Variants in PC observed in about 807,000 individuals in gnomAD.
The protein encoded by PC is pyruvate carboxylase.
A neutral mutation model predicts 107.8 loss-of-function variants in PC; 46 were observed. That is an observed-to-expected ratio of 0.43 (90% CI 0.34 to 0.55). The LOEUF (loss-of-function observed/expected upper bound fraction) is 0.55. Ranked by LOEUF, PC falls within the 20% of genes least tolerant of loss-of-function variation. The pLI, the probability that PC is intolerant of heterozygous loss-of-function variation, is 0.04. For missense variants in PC, 1,241 were observed against 1,643.1 expected (o/e 0.76, Z 4.23); for synonymous variants, 662 against 684.7 (o/e 0.97, Z 0.52).
chr11:66,901,263 T>C (rs1947946926), intron 3 of PC, among the ~76,000 whole-genome samples: 1 of 152,114 alleles, frequency 6.6e-6, no homozygotes, highest in Non-Finnish European at 1.5e-5. Flanking sequence ...TGGTTTCCTG[T>C]AGGTCCAGCC....
At position 66,857,684 on chromosome 11, in the gene PC, G is replaced by C; in HGVS notation, c.1369-4301C>G. The C allele has an allele frequency of 6.6e-7, 1 of 1,516,592 alleles. No homozygotes were observed. Among genetic ancestry groups the C allele is most frequent in the African/African-American group, 1.4e-5 (1 of 73,056 alleles). 93.9% of individuals were successfully genotyped at this position (1,516,592 alleles called of 1,614,324 possible). A position where few individuals can be genotyped will look rare whatever the true frequency, so the allele number is the denominator to read the frequency against. ...TTCTGGGACTGTCCTGGGCCCAAGT[G>C]GGCACCTGCGCCAGCCCCACCTGTG... On this transcript the variant is annotated intron_variant, in intron 12 of 22. Transcript: ENST00000393960. The surrounding 1 kb of genome is among the most constrained non-coding windows in gnomAD (Gnocchi z 7.1).
intron 12 of PC, among the ~76,000 whole-genome samples, chr11:66,859,471 C>T (rs1050130053): frequency 6.6e-6 from 1 of 152,236 alleles, no homozygotes; most frequent in African/African-American, 2.4e-5. Flanking sequence ...AGTGCACACA[C>T]CCATCTCCTG....
In PC at chr11:66,851,372, T is replaced by A. The variant is rs115582831; in HGVS notation, c.1983-92A>T. The A allele has an allele frequency of 1.6e-3, 2,563 of 1,564,016 alleles. 40 individuals carry two copies. In the African/African-American group the frequency reaches 0.032, roughly 19 times the overall value. ...CCTTCCTGACCCACTCTATGGCCCC[T>A]GGGGAATGAGATCTGAGGGTCTCGC... On this transcript the variant is annotated intron_variant, in intron 16 of 22. Transcript: ENST00000393960.
intron 12 of PC, among the ~76,000 whole-genome samples, chr11:66,854,177 C>T (rs1332006677): frequency 2.0e-5 from 3 of 152,248 alleles, no homozygotes; most frequent in African/African-American, 7.2e-5. Context: ...GACCTTGTGA[C>T]CTCTTCTCCA....
rs1946034122 is a variant in PC at position 66,858,659 on chromosome 11, G to A, written c.1368+5115C>T. 7.1e-6 allele frequency: 11 copies of A among 1,543,170 alleles called. No individual in the cohort carries two copies. Among genetic ancestry groups the A allele is most frequent in the Admixed American group, 2.0e-5 (1 of 51,050 alleles). On this transcript the variant is annotated intron_variant, in intron 12 of 22. Transcript: ENST00000393960. The surrounding 1 kb of genome is among the most constrained non-coding windows in gnomAD (Gnocchi z 5.9). ...GGGCCACGCTGCGGTGCCGGGCCCT[G>A]GGTGACCCCGCGCCTACCATGCACT...
chr11:66,850,259 G>A lies in PC; in HGVS notation c.2679C>T (p.Ala893=), dbSNP rs1945398542. 6.2e-7 allele frequency: 1 copy of A among 1,614,098 alleles called. No individual in the cohort carries two copies. The highest frequency in any genetic ancestry group is 1.7e-5 in the Admixed American group (1 of 60,020). Reference sequence around the variant, plus strand: ...CCAGCATCTGGTTGGCCTCCACATAGGCCTTCTTGACCTCCTTGAACTTGG... The same window carrying A: ...CCAGCATCTGGTTGGCCTCCACATAAGCCTTCTTGACCTCCTTGAACTTGG... ...LGSKFKEVKK[A]YVEANQMLGD... The change falls in exon 19 of 23, where the codon GCC becomes GCT. Residue 893 remains alanine (A), a synonymous_variant. Transcript: ENST00000393960.
intron 3 of PC, among the ~76,000 whole-genome samples, chr11:66,882,152 C>A (rs531808853): frequency 6.6e-6 from 1 of 152,354 alleles, no homozygotes; most frequent in Non-Finnish European, 1.5e-5. Flanking sequence ...CTACTTCAGA[C>A]CTGAACTACA....
intron 3 of PC, among the ~76,000 whole-genome samples, chr11:66,927,065 A>G (rs1472324102): frequency 6.8e-6 from 1 of 147,902 alleles, no homozygotes; most frequent in African/African-American, 2.5e-5. Flanking sequence ...ATCTCGGCTC[A>G]CTGCAACCTC....
intron 3 of PC, among the ~76,000 whole-genome samples, chr11:66,889,315 G>A (rs78473214): frequency 0.027 from 4,115 of 152,050 alleles, 82 homozygotes; most frequent in African/African-American, 0.044. Flanking sequence ...CAGTGGGACA[G>A]GGGTGGCGGG....
Position 66,870,213 on chromosome 11 carries a change from G to T in PC, c.903+89C>A. On this transcript the variant is annotated intron_variant, in intron 9 of 22. Transcript: ENST00000393960. The surrounding 1 kb of genome is among the most constrained non-coding windows in gnomAD (Gnocchi z 6.1). ...CCCCAGTCCCCAGAAGGGGACTCAG[G>T]GTCCCCTTCCCCAACCAGCGCCCCA... 1 of 1,498,780 alleles carries T rather than the reference G, an allele frequency of 6.7e-7. No individual in the cohort carries two copies. The highest frequency in any genetic ancestry group is 1.1e-5 in the South Asian group (1 of 88,254). The allele number at this position is 1,498,780 out of a possible 1,614,324, so 92.8% of individuals were successfully genotyped here.
intron 3 of PC, among the ~76,000 whole-genome samples, chr11:66,916,569 G>C (rs1005987473): frequency 3.3e-5 from 5 of 152,204 alleles, no homozygotes; most frequent in Admixed American, 3.3e-4. Flanking sequence ...AAGGCTAACA[G>C]AGCAGTGATC....
At chr11:66,875,917 G>A (rs1417483813) in intron 3 of PC, among the ~76,000 whole-genome samples, 1 of 152,176 alleles carries the variant, frequency 6.6e-6, no homozygotes, top group Non-Finnish European at 1.5e-5. Flanking sequence ...TCCTGATGGG[G>A]TTCCCGCTGC....
intron 12 of PC, chr11:66,859,124 C>G: frequency 6.8e-7 from 1 of 1,475,484 alleles, no homozygotes; most frequent in Non-Finnish European, 9.0e-7. Flanking sequence ...CCCGGCTGCA[C>G]TCCCGGCGCC....
At chr11:66,936,483 T>C (rs2136122579) in intron 3 of PC, among the ~76,000 whole-genome samples, 1 of 152,278 alleles carries the variant, frequency 6.6e-6, no homozygotes, top group East Asian at 1.9e-4. Flanking sequence ...ATTGCTCTAT[T>C]TTTCTTGAGG....
intron 3 of PC, among the ~76,000 whole-genome samples, chr11:66,900,336 G>A (rs568184832): frequency 5.3e-5 from 8 of 151,970 alleles, no homozygotes; most frequent in East Asian, 3.9e-4. Context: ...CACCACGCCC[G>A]ACTAATTTTT....
At chr11:66,894,270 C>T (rs768648396) in intron 3 of PC, among the ~76,000 whole-genome samples, 24 of 152,102 alleles carry the variant, frequency 1.6e-4, no homozygotes, top group Non-Finnish European at 2.4e-4. Context: ...CCCAGCCTCC[C>T]GGATTCTCCA....
rs758472117 is a variant in PC, at chr11:66,858,239, C to T, written c.1369-4856G>A. On this transcript the variant is annotated intron_variant, in intron 12 of 22. Transcript: ENST00000393960. This position sits in a 1 kb window ranked among gnomAD's most constrained non-coding sequence, Gnocchi z 5.9. ...TCCGGCAGGTGCCCTGGGCCGGCAT[C>T]GGCGCCATGCCTGCCCTGCACACCC... 1.3e-5 allele frequency: 21 copies of T among 1,612,430 alleles called. No homozygotes were observed. The highest frequency in any genetic ancestry group is 1.1e-4 in the South Asian group (10 of 91,076).
intron 9 of PC, among the ~76,000 whole-genome samples, chr11:66,869,183 C>T (rs1001681227): frequency 5.9e-5 from 9 of 152,228 alleles, no homozygotes; most frequent in South Asian, 2.1e-4. Context: ...CCAGGGTTCC[C>T]GGAGCCACAG....
In PC at chr11:66,858,397, G is replaced by C. The variant is rs1381268679; in HGVS notation, c.1369-5014C>G. On this transcript the variant is annotated intron_variant, in intron 12 of 22. Transcript: ENST00000393960. This position sits in a 1 kb window ranked among gnomAD's most constrained non-coding sequence, Gnocchi z 5.9. The stretch of plus-strand genomic sequence containing the variant: ...CCGGACCCGCTTTTCTCTCGTGGGC[G>C]TGATGCAGAGGCCTCTCCCGCCCCC... The C allele has an allele frequency of 1.3e-6, 2 of 1,562,124 alleles. No homozygotes were observed. The highest frequency in any genetic ancestry group is 1.7e-6 in the Non-Finnish European group (2 of 1,159,362).
Sources: allele counts gnomAD v4.1 joint callset (sites outside exome capture counted in the v4.1 genomes callset), GRCh38; gene constraint gnomAD v4.1.1; non-coding constraint Gnocchi (gnomAD v3.1); transcripts MANE v1.5; gene names NCBI Gene and HGNC (gene_info 2026-07-23, HGNC 2026-07-21).